Variants in MRTFB observed in about 807,000 individuals in gnomAD.
The protein encoded by MRTFB is myocardin-related transcription factor B.
MRTFB carries 29 observed loss-of-function variants against 104.2 expected under a neutral mutation model. The observed-to-expected ratio is 0.28, with a 90% CI of 0.21 to 0.38. The LOEUF (loss-of-function observed/expected upper bound fraction) is 0.38. Among genes scored for constraint, MRTFB ranks in the 10% least tolerant of loss-of-function variants. The pLI, the probability that MRTFB is intolerant of heterozygous loss-of-function variation, is 1.00. For synonymous variants in MRTFB, 535 were observed against 519.5 expected, an observed-to-expected ratio of 1.03 and a Z score of -0.41; for missense variants, 1,270 against 1,341.6, an observed-to-expected ratio of 0.95 and a Z score of 0.83.
At chr16:14,231,048 C>T (rs1567194893) in intron 8 of MRTFB, among the ~76,000 whole-genome samples, 1 of 151,484 alleles carries the variant, frequency 6.6e-6, no homozygotes, top group Non-Finnish European at 1.5e-5. Flanking sequence ...AAACCAAACA[C>T]CACGTATTCT....
At chr16:14,043,370 A>G in the MRTFB span, among the ~76,000 whole-genome samples, 1 of 151,840 alleles carries the variant, frequency 6.6e-6, no homozygotes, top group Non-Finnish European at 1.5e-5. Flanking sequence ...GATGGGTCCT[A>G]TAGAATGTGT....
At chr16:14,178,805 A>G (rs1220348329) in intron 3 of MRTFB, among the ~76,000 whole-genome samples, 1 of 151,924 alleles carries the variant, frequency 6.6e-6, no homozygotes, top group Non-Finnish European at 1.5e-5. Flanking sequence ...GCTAGGATAC[A>G]GTGGCCCCAT....
intron 3 of MRTFB, among the ~76,000 whole-genome samples, chr16:14,198,093 G>C (rs2040520178): frequency 6.6e-6 from 1 of 152,138 alleles, no homozygotes; most frequent in African/African-American, 2.4e-5. Flanking sequence ...CAATATGTGA[G>C]CTTTTATATC....
chr16:14,067,470 G>A (rs757915236), upstream of MRTFB, among the ~76,000 whole-genome samples: 19 of 151,708 alleles, frequency 1.3e-4, no homozygotes, highest in Admixed American at 4.6e-4. Context: ...TGATCTGCAC[G>A]CCTTGGCCTC....
intron 3 of MRTFB, among the ~76,000 whole-genome samples, chr16:14,187,867 A>G (rs1010237659): frequency 1.3e-5 from 2 of 152,190 alleles, no homozygotes; most frequent in African/African-American, 4.8e-5. Flanking sequence ...TTGGTTTCCT[A>G]GTCATCTTTG....
intron 2 of MRTFB, among the ~76,000 whole-genome samples, chr16:14,121,011 G>A (rs1164243875): frequency 2.0e-5 from 3 of 152,164 alleles, no homozygotes; most frequent in Admixed American, 1.3e-4. Context: ...TATATGTATA[G>A]TATATTTTTT....
chr16:14,025,620 G>A, the MRTFB span, among the ~76,000 whole-genome samples: 2 of 152,154 alleles, frequency 1.3e-5, no homozygotes, highest in African/African-American at 4.8e-5. Context: ...GTGGGCCTAG[G>A]ATCCTGGCTG....
chr16:14,061,130 C>A, the MRTFB span, among the ~76,000 whole-genome samples: 2 of 151,374 alleles, frequency 1.3e-5, no homozygotes, highest in African/African-American at 2.4e-5. Context: ...TGGGCGACAG[C>A]GCAAGACTCC....
chr16:14,233,054 A>G (rs1282636589), intron 8 of MRTFB, among the ~76,000 whole-genome samples: 2 of 152,232 alleles, frequency 1.3e-5, no homozygotes, highest in African/African-American at 4.8e-5. Context: ...GTTCTTTACA[A>G]TAAAATACTT....
intron 8 of MRTFB, among the ~76,000 whole-genome samples, chr16:14,221,915 G>A (rs2041737899): frequency 1.3e-5 from 2 of 151,482 alleles, no homozygotes; most frequent in Admixed American, 6.6e-5. Flanking sequence ...CCAAGTAGCT[G>A]GAATTACAGG....
At chr16:14,036,516 T>A in the MRTFB span, among the ~76,000 whole-genome samples, 2 of 148,900 alleles carry the variant, frequency 1.3e-5, no homozygotes, top group Non-Finnish European at 1.5e-5. Context: ...ATACATTCCA[T>A]CATATATATG....
intron 3 of MRTFB, among the ~76,000 whole-genome samples, chr16:14,185,607 C>G (rs2039924881): frequency 1.3e-5 from 2 of 151,850 alleles, no homozygotes. Context: ...TTAATTCATT[C>G]ACTCAACCAT....
chr16:14,207,924 T>C (rs2041021247), intron 3 of MRTFB, among the ~76,000 whole-genome samples: 1 of 152,194 alleles, frequency 6.6e-6, no homozygotes, highest in Non-Finnish European at 1.5e-5. Flanking sequence ...GTGAGGGCAG[T>C]CTCTTGGGAT....
chr16:14,226,623 C>T (rs932633373), intron 8 of MRTFB, among the ~76,000 whole-genome samples: 11 of 152,084 alleles, frequency 7.2e-5, no homozygotes, highest in Non-Finnish European at 1.0e-4. Flanking sequence ...GGATTGGTTT[C>T]TTGGATATGA....
intron 8 of MRTFB, among the ~76,000 whole-genome samples, chr16:14,232,577 C>T (rs1290818374): frequency 6.6e-6 from 1 of 152,128 alleles, no homozygotes; most frequent in African/African-American, 2.4e-5. Flanking sequence ...TTCATATTGT[C>T]AACACTCACA....
Position 14,216,250 on chromosome 16 carries a change from G to T in MRTFB, c.353-876G>T, listed in dbSNP as rs80222051. On this transcript the variant is annotated intron_variant, in intron 6 of 16. Coordinates refer to ENST00000571589, the MANE Select transcript of MRTFB (RefSeq NM_001308142.2). ...AATACCTACAGACTAAAGAATATCA[G>T]TTCATCCTAAGCCGACTTATGGGGA... Among the ~76,000 whole-genome samples, 1,449 of 152,262 alleles carry T rather than the reference G, an allele frequency of 9.5e-3. 24 individuals are homozygous for T. The highest frequency in any genetic ancestry group is 0.033 in the African/African-American group (1,378 of 41,558).
At chr16:14,080,006 G>A (rs190316295) in intron 2 of MRTFB, among the ~76,000 whole-genome samples, 15 of 152,264 alleles carry the variant, frequency 9.9e-5, no homozygotes, top group Admixed American at 9.2e-4. Flanking sequence ...AAAGATACGC[G>A]TAATCCTACA....
chr16:14,227,115 G>C (rs934641488), intron 8 of MRTFB, among the ~76,000 whole-genome samples: 4 of 152,136 alleles, frequency 2.6e-5, no homozygotes, highest in African/African-American at 9.7e-5. Flanking sequence ...TTGGATGTTT[G>C]TCTCCTTCAA....
chr16:14,190,699 C>T (rs1029745655), intron 3 of MRTFB, among the ~76,000 whole-genome samples: 1 of 152,220 alleles, frequency 6.6e-6, no homozygotes, highest in African/African-American at 2.4e-5. Flanking sequence ...CCCTCAATCG[C>T]AGTGTTTTAA....
Sources: gnomAD v4.1 joint callset for allele counts (sites outside exome capture counted in the v4.1 genomes callset) on GRCh38, gnomAD v4.1.1 for gene constraint, MANE v1.5 for transcripts, NCBI Gene and HGNC (gene_info 2026-07-23, HGNC 2026-07-21) for gene names.